RYR3: variants seen among roughly 807,000 people sequenced by gnomAD.
RYR3 encodes brain ryanodine receptor-calcium release channel.
A neutral mutation model predicts 584.3 loss-of-function variants in RYR3; 207 were observed. That is an observed-to-expected ratio of 0.35 (90% CI 0.32 to 0.40). RYR3 has a LOEUF of 0.40. Ranked by LOEUF, RYR3 falls within the 10% of genes least tolerant of loss-of-function variation. The probability of loss-of-function intolerance (pLI) is 1.00; values close to 1 mark genes in which losing one functional copy is unlikely to be tolerated. For synonymous variants in RYR3, 2,416 were observed against 2,248.5 expected, an observed-to-expected ratio of 1.07 and a Z score of -2.11; for missense variants, 5,616 against 6,089.2, an observed-to-expected ratio of 0.92 and a Z score of 2.59.
chr15:33,405,877 T>G (rs1470090289), intron 1 of RYR3, among the ~76,000 whole-genome samples: 1 of 152,190 alleles, frequency 6.6e-6, no homozygotes, highest in African/African-American at 2.4e-5. Flanking sequence ...AGCTTCTCTC[T>G]GGGGGTGGGG....
intron 31 of RYR3, among the ~76,000 whole-genome samples, chr15:33,651,024 T>C (rs773367091): frequency 3.3e-5 from 5 of 152,248 alleles, no homozygotes; most frequent in Non-Finnish European, 5.9e-5. Flanking sequence ...CATTTGAGTT[T>C]ATAATTCCAG....
intron 1 of RYR3, among the ~76,000 whole-genome samples, chr15:33,350,549 T>C (rs1490715998): frequency 1.3e-5 from 2 of 151,380 alleles, no homozygotes; most frequent in Non-Finnish European, 3.0e-5. Context: ...ACAGAAATTA[T>C]AACAAACTAT....
At chr15:33,839,022 G>A (rs2078209528) in intron 89 of RYR3, 64 bp downstream of exon 89, 2 of 1,546,712 alleles carry the variant, frequency 1.3e-6, no homozygotes, top group Admixed American at 3.8e-5. Flanking sequence ...ACCATATCTT[G>A]TAATCAGTAC....
At chr15:33,415,640 C>A (rs555848413) in intron 1 of RYR3, among the ~76,000 whole-genome samples, 9 of 152,286 alleles carry the variant, frequency 5.9e-5, no homozygotes, top group Non-Finnish European at 1.2e-4. Context: ...GCAAAGGCTT[C>A]AGAGAGGAGT....
rs188969999 is a variant in RYR3 at position 33,470,482 on chromosome 15, G to C, written c.52-2937G>C. On this transcript the variant is annotated intron_variant, in intron 1 of 103. Transcript: ENST00000634891. ...CTCTATCAAAAAAAAAAAATCAACAGTCCTCCTTGAGAAAGAGGAAATAAT... is the reference window on the plus strand; with the variant it reads ...CTCTATCAAAAAAAAAAAATCAACACTCCTCCTTGAGAAAGAGGAAATAAT... Among the ~76,000 whole-genome samples, 98 of 152,050 alleles carry C rather than the reference G, an allele frequency of 6.4e-4. 1 individual carries two copies. In the East Asian group the frequency reaches 0.014, roughly 22 times the overall value.
intron 10 of RYR3, among the ~76,000 whole-genome samples, chr15:33,552,259 T>C (rs1296092892): frequency 1.3e-5 from 2 of 152,178 alleles, no homozygotes. Flanking sequence ...CTGTGGTCTC[T>C]GGGGGAAGCA....
Position 33,731,622 on chromosome 15 carries a change from G to C in RYR3, c.7352G>C (p.Arg2451Thr), listed in dbSNP as rs770257021. The C allele has an allele frequency of 6.2e-7, 1 of 1,613,872 alleles. No individual in the cohort carries two copies. Among genetic ancestry groups the C allele is most frequent in the East Asian group, 2.2e-5 (1 of 44,884 alleles). ...GATTCCACACTGCAGACAATATACA[G>C]GCTATCCAAGGGACGTTCCCTCACC... ...LIDSTLQTIY[R>T]LSKGRSLTKA... Residue 2451 changes from arginine to threonine, a missense_variant, in exon 48 of 104, where the codon AGG becomes ACG. Physicochemically the swap from Arg to Thr is moderately conservative, Grantham distance 71. Around this residue, in one of 9 missense-constraint regions of RYR3, gnomAD observed 1,280 missense variants for 1,426.2 expected, o/e 0.90. Coordinates refer to ENST00000634891, the MANE Select transcript of RYR3 (RefSeq NM_001036.6).
chr15:33,596,494 T>TTG (rs2059375971), intron 16 of RYR3, among the ~76,000 whole-genome samples: 2 of 55,540 alleles, frequency 3.6e-5, no homozygotes, highest in African/African-American at 1.9e-4. Flanking sequence ...TGTTCTTTTT[T>TTG]TGGGGGGGGG....
intron 66 of RYR3, among the ~76,000 whole-genome samples, chr15:33,787,898 T>C (rs1200190538): frequency 6.6e-6 from 1 of 152,206 alleles, no homozygotes; most frequent in Non-Finnish European, 1.5e-5. Flanking sequence ...TATAAAATAA[T>C]ACAAAATAGT....
Position 33,705,052 on chromosome 15 carries a change from C to A in RYR3, c.6484-1867C>A, listed in dbSNP as rs149245123. 5.5e-3 allele frequency among the ~76,000 whole-genome samples: 838 copies of A among 151,616 alleles called. 1 individual carries two copies. The highest frequency in any genetic ancestry group is 9.0e-3 in the Non-Finnish European group (614 of 67,914). On this transcript the variant is annotated intron_variant, in intron 42 of 103. Coordinates refer to ENST00000634891, the MANE Select transcript of RYR3 (RefSeq NM_001036.6). Reference sequence around the variant, plus strand: ...ATTTAGGATTGAACAGTAGCCCTACCCCAACACATACACACACGCATATGC... The same window carrying A: ...ATTTAGGATTGAACAGTAGCCCTACACCAACACATACACACACGCATATGC...
intron 1 of RYR3, among the ~76,000 whole-genome samples, chr15:33,459,155 A>G (rs879347800): frequency 2.0e-5 from 3 of 152,198 alleles, no homozygotes; most frequent in Admixed American, 6.5e-5. Context: ...AGGCATCAAT[A>G]TATTTTTACA....
rs1461122791 is a variant in RYR3 at position 33,865,499 on chromosome 15, GAGGTAA to G, written c.*274_*279del. 1 of 389,856 alleles carries G rather than the reference GAGGTAA, an allele frequency of 2.6e-6. No homozygotes were observed. Among genetic ancestry groups the G allele is most frequent in the Non-Finnish European group, 4.6e-6 (1 of 215,780 alleles). The allele number at this position is 389,856 out of a possible 1,614,324, so 24.1% of individuals were successfully genotyped here. A position where few individuals can be genotyped will look rare whatever the true frequency, so the allele number is the denominator to read the frequency against. ...AAATGCCTTCAAGTTTTCCAGTTCT[GAGGTAA>G]CTAGTTCAGTTTGTTGGGATGGAAG... On this transcript the variant is annotated 3_prime_UTR_variant, in exon 104 of 104. Coordinates refer to ENST00000634891, the MANE Select transcript of RYR3 (RefSeq NM_001036.6).
At chr15:33,777,859 G>A (rs1188807584) in intron 64 of RYR3, among the ~76,000 whole-genome samples, 1 of 152,118 alleles carries the variant, frequency 6.6e-6, no homozygotes, top group African/African-American at 2.4e-5. Flanking sequence ...TTGTCTCCTA[G>A]GTTCATCTCT....
chr15:33,805,721 C>T (rs1347613149), intron 69 of RYR3, among the ~76,000 whole-genome samples: 1 of 151,848 alleles, frequency 6.6e-6, no homozygotes, highest in Non-Finnish European at 1.5e-5. Flanking sequence ...TCATGATCCG[C>T]CCGCCTCGGC....
At chr15:33,470,882 T>C (rs762668128) in intron 1 of RYR3, among the ~76,000 whole-genome samples, 9 of 152,104 alleles carry the variant, frequency 5.9e-5, no homozygotes, top group East Asian at 5.8e-4. Context: ...AATGCCCAGA[T>C]CTGATTTAAA....
At chr15:33,397,099 T>C (rs1463412900) in intron 1 of RYR3, among the ~76,000 whole-genome samples, 3 of 152,210 alleles carry the variant, frequency 2.0e-5, no homozygotes, top group Admixed American at 6.5e-5. Context: ...AATTACAATG[T>C]ATAAATTTAG....
chr15:33,477,575 T>TACAAAA (rs2049498175), intron 2 of RYR3, among the ~76,000 whole-genome samples: 1 of 116,432 alleles, frequency 8.6e-6, no homozygotes, highest in African/African-American at 3.8e-5. Context: ...CTTGTTTTGT[T>TACAAAA]AAAAAAAAAA....
chr15:33,636,555 A>T lies in RYR3; in HGVS notation c.3556+5A>T. On this transcript the variant is annotated splice_donor_5th_base_variant and intron_variant, in intron 27 of 103. Coordinates refer to ENST00000634891, the MANE Select transcript of RYR3 (RefSeq NM_001036.6). ...CTGACTACGAGATTGAGAATGGTAA[A>T]TCTAACACCCTCTGCCAACCCCAGC... 6.4e-7 allele frequency: 1 copy of T among 1,572,134 alleles called. No individual in the cohort carries two copies. The highest frequency in any genetic ancestry group is 8.6e-7 in the Non-Finnish European group (1 of 1,161,408).
chr15:33,689,164 T>C (rs957300909), intron 38 of RYR3, among the ~76,000 whole-genome samples: 5 of 131,950 alleles, frequency 3.8e-5, no homozygotes, highest in African/African-American at 1.2e-4. Context: ...TAGGTAGGAA[T>C]TGAACAATGA....
Sources: gnomAD v4.1 joint callset for allele counts (sites outside exome capture counted in the v4.1 genomes callset) on GRCh38, gnomAD v4.1.1 for gene constraint, gnomAD v4.1.1 regional missense constraint, MANE v1.5 for transcripts, NCBI Gene and HGNC (gene_info 2026-07-23, HGNC 2026-07-21) for gene names.